CCDC91: variants seen among roughly 807,000 people sequenced by gnomAD.
CCDC91 encodes the protein coiled-coil domain-containing protein 91.
Under a neutral mutation model 63.2 loss-of-function variants are expected in CCDC91, and 48 were observed. That is an observed-to-expected ratio of 0.76 (90% CI 0.60 to 0.97). The LOEUF is 0.97. Ranked by LOEUF, CCDC91 falls within the 50% of genes least tolerant of loss-of-function variation. The pLI is 0.00. For synonymous variants in CCDC91, 167 were observed against 165.8 expected (o/e 1.01, Z -0.06); for missense variants, 500 against 494.6 (o/e 1.01, Z -0.10).
At chr12:28,542,544 TGTG>T (rs1293425480) in intron 12 of CCDC91, among the ~76,000 whole-genome samples, 2 of 152,126 alleles carry the variant, frequency 1.3e-5, no homozygotes, top group African/African-American at 4.8e-5. Context: ...CTTTGAATGT[TGTG>T]GTGAAGAGGT....
chr12:28,295,438 A>C (rs1480333377), intron 3 of CCDC91, among the ~76,000 whole-genome samples: 1 of 152,124 alleles, frequency 6.6e-6, no homozygotes, highest in African/African-American at 2.4e-5. Context: ...ATCATTTGCT[A>C]TTTGGAGTGT....
intron 1 of CCDC91, among the ~76,000 whole-genome samples, chr12:28,251,595 A>G (rs1438538484): frequency 6.6e-6 from 1 of 152,028 alleles, no homozygotes; most frequent in Non-Finnish European, 1.5e-5. Flanking sequence ...GCTATGAAAT[A>G]CTGCTGTCTT....
chr12:28,281,003 C>T (rs1948578374), intron 3 of CCDC91, among the ~76,000 whole-genome samples: 1 of 151,560 alleles, frequency 6.6e-6, no homozygotes, highest in African/African-American at 2.4e-5. Context: ...AAAAGATATC[C>T]TATGCAATAT....
At chr12:28,297,181 T>G (rs1421421050) in intron 3 of CCDC91, among the ~76,000 whole-genome samples, 5 of 151,906 alleles carry the variant, frequency 3.3e-5, no homozygotes, top group Non-Finnish European at 5.9e-5. Context: ...CAGATTTTTT[T>G]GGGGGGTATA....
chr12:28,426,015 G>A (rs1314414643), intron 8 of CCDC91, among the ~76,000 whole-genome samples: 1 of 152,092 alleles, frequency 6.6e-6, no homozygotes, highest in African/African-American at 2.4e-5. Context: ...TTCTGCTCCT[G>A]TAGTCTGTTT....
intron 8 of CCDC91, among the ~76,000 whole-genome samples, chr12:28,440,153 G>A (rs1172066934): frequency 6.6e-6 from 1 of 152,112 alleles, no homozygotes; most frequent in Non-Finnish European, 1.5e-5. Context: ...AGAGCAATCA[G>A]GGTAAATGAC....
intron 3 of CCDC91, among the ~76,000 whole-genome samples, chr12:28,267,906 ATT>A (rs1565701143): frequency 3.9e-4 from 20 of 51,810 alleles, no homozygotes; most frequent in Non-Finnish European, 7.4e-4. Flanking sequence ...ATATAATTAT[ATT>A]ATATATAATT....
rs548294202 is a variant in CCDC91 at position 28,382,734 on chromosome 12, G to A, written c.655-8570G>A. ...ACAAATATTTTAGACATCTAGATGAGTTTATTTCTTCCCATGATCAGTGAT... is the reference window on the plus strand; with the variant it reads ...ACAAATATTTTAGACATCTAGATGAATTTATTTCTTCCCATGATCAGTGAT... On this transcript the variant is annotated intron_variant, in intron 7 of 12. Coordinates refer to ENST00000536442, the MANE Select transcript of CCDC91 (RefSeq NM_018318.5). 4.6e-5 allele frequency among the ~76,000 whole-genome samples: 7 copies of A among 152,212 alleles called. No homozygotes were observed. In the East Asian group the frequency reaches 9.6e-4, roughly 21 times the overall value.
chr12:28,329,656 G>A (rs11049535), intron 6 of CCDC91, among the ~76,000 whole-genome samples: 40,174 of 151,854 alleles, frequency 0.26, 5,739 homozygotes, highest in East Asian at 0.54. Flanking sequence ...TAGGGTACAT[G>A]TGCACAACGC....
chr12:28,510,732 G>A (rs1194876091), intron 12 of CCDC91, among the ~76,000 whole-genome samples: 4 of 151,824 alleles, frequency 2.6e-5, no homozygotes, highest in African/African-American at 9.7e-5. Flanking sequence ...CATTTATCAT[G>A]TATTTATTGA....
At chr12:28,358,556 T>G (rs897055725) in intron 6 of CCDC91, among the ~76,000 whole-genome samples, 2 of 152,224 alleles carry the variant, frequency 1.3e-5, no homozygotes, top group African/African-American at 4.8e-5. Flanking sequence ...TGTCAAAGTG[T>G]GAAATCTTTC....
chr12:28,257,306 A>G (rs1449807498), intron 2 of CCDC91, 61 bp downstream of exon 2: 18 of 1,058,844 alleles, frequency 1.7e-5, no homozygotes, highest in Non-Finnish European at 2.5e-5. Flanking sequence ...GGAGTAAACT[A>G]TTTTGAAAAT....
chr12:28,473,995 T>C (rs1418688119), intron 11 of CCDC91, among the ~76,000 whole-genome samples: 2 of 151,842 alleles, frequency 1.3e-5, no homozygotes, highest in African/African-American at 2.4e-5. Flanking sequence ...TGTGTGTGTG[T>C]GCACGTGTGT....
At chr12:28,222,317 G>A (rs1484573218) in intron 1 of CCDC91, among the ~76,000 whole-genome samples, 7 of 152,102 alleles carry the variant, frequency 4.6e-5, no homozygotes, top group Admixed American at 3.3e-4. Context: ...TGGTGCTGGT[G>A]CTGGTGAGAT....
intron 3 of CCDC91, among the ~76,000 whole-genome samples, chr12:28,271,430 T>C (rs1270063107): frequency 6.6e-6 from 1 of 152,144 alleles, no homozygotes; most frequent in Non-Finnish European, 1.5e-5. Flanking sequence ...GCTATGATTT[T>C]CCCTCTGATT....
rs144596947 is a variant in CCDC91, at chr12:28,206,357, A to G, written c.-15+15716A>G. Among the ~76,000 whole-genome samples the G allele has an allele frequency of 1.2e-3, 185 of 152,296 alleles. 3 individuals are homozygous for G. Among genetic ancestry groups the G allele is most frequent in the African/African-American group, 4.2e-3 (176 of 41,580 alleles). On this transcript the variant is annotated intron_variant, in intron 1 of 12. Transcript: ENST00000536442. ...CAGCATGTCATTCATAGGTTACAGT[A>G]TCCTCATGGTCACACATTTCTTTCA...
chr12:28,419,219 G>C (rs1253432592), intron 8 of CCDC91, among the ~76,000 whole-genome samples: 1 of 152,150 alleles, frequency 6.6e-6, no homozygotes, highest in Non-Finnish European at 1.5e-5. Flanking sequence ...AGAGTAATTA[G>C]TAAGAAAAGG....
chr12:28,217,017 G>A (rs1195777196), intron 1 of CCDC91, among the ~76,000 whole-genome samples: 5 of 152,160 alleles, frequency 3.3e-5, no homozygotes, highest in Middle Eastern at 3.4e-3. Flanking sequence ...CAGTACATTC[G>A]TATAATACTA....
At chr12:28,532,295 T>C (rs1348004175) in intron 12 of CCDC91, among the ~76,000 whole-genome samples, 1 of 152,128 alleles carries the variant, frequency 6.6e-6, no homozygotes, top group African/African-American at 2.4e-5. Flanking sequence ...ATTGCTAATA[T>C]GTCTAGTGAA....
Sources: allele counts gnomAD v4.1 joint callset (sites outside exome capture counted in the v4.1 genomes callset), GRCh38; gene constraint gnomAD v4.1.1; transcripts MANE v1.5; gene names NCBI Gene and HGNC (gene_info 2026-07-23, HGNC 2026-07-21).